Variants in UTP20 observed in about 807,000 individuals in gnomAD.
UTP20 encodes small subunit processome component 20 homolog.
Under a neutral mutation model 329.5 loss-of-function variants are expected in UTP20, and 164 were observed. The ratio of observed to expected loss-of-function variants is 0.50; its 90% CI spans 0.44 to 0.57. The LOEUF (loss-of-function observed/expected upper bound fraction) is 0.57. Among genes scored for constraint, UTP20 ranks in the 20% least tolerant of loss-of-function variants. The pLI is 0.00. For missense variants in UTP20, 3,055 were observed against 3,284.2 expected (o/e 0.93, Z 1.71); for synonymous variants, 1,151 against 1,159.3 (o/e 0.99, Z 0.14).
chr12:101,330,057 A>G (rs1015119971), intron 27 of UTP20, among the ~76,000 whole-genome samples: 7 of 152,050 alleles, frequency 4.6e-5, no homozygotes, highest in Admixed American at 3.3e-4. Flanking sequence ...AAAACACTCC[A>G]TATATTAGAG....
chr12:101,308,454 A>T (rs1393888869), intron 18 of UTP20, 111 bp downstream of exon 18: 5 of 646,814 alleles, frequency 7.7e-6, no homozygotes, highest in Non-Finnish European at 9.8e-6. Context: ...ATAATAATTT[A>T]AAAATAATAA....
intron 40 of UTP20, among the ~76,000 whole-genome samples, chr12:101,353,876 T>C (rs892391418): frequency 2.0e-5 from 3 of 152,192 alleles, no homozygotes; most frequent in Non-Finnish European, 4.4e-5. Flanking sequence ...TTGGCTGAGA[T>C]GTACAAATTC....
chr12:101,374,230 G>T (rs1228666245), intron 54 of UTP20, among the ~76,000 whole-genome samples: 1 of 148,028 alleles, frequency 6.8e-6, no homozygotes, highest in Admixed American at 6.7e-5. Context: ...GCGAGACTCC[G>T]TCTCAAAAAA....
At chr12:101,319,703 G>A in intron 23 of UTP20, 68 bp downstream of exon 23, 3 of 1,350,548 alleles carry the variant, frequency 2.2e-6, no homozygotes, top group Non-Finnish European at 2.0e-6. Flanking sequence ...CTTTGTCAGA[G>A]TAGCTTAGAT....
At chr12:101,303,665 C>T (rs1428948351) in intron 15 of UTP20, among the ~76,000 whole-genome samples, 1 of 152,134 alleles carries the variant, frequency 6.6e-6, no homozygotes, top group East Asian at 1.9e-4. Flanking sequence ...GGCAGTAGAC[C>T]TCCTTAGGTC....
intron 11 of UTP20, among the ~76,000 whole-genome samples, chr12:101,294,435 A>G (rs141853603): frequency 4.5e-4 from 68 of 152,230 alleles, no homozygotes; most frequent in Admixed American, 2.4e-3. Context: ...CATGCTCCCA[A>G]TAGAATTATA....
At chr12:101,310,577 C>CAAAAAAAAAAA (rs549641642) in intron 19 of UTP20, among the ~76,000 whole-genome samples, 518 of 44,166 alleles carry the variant, frequency 0.012, 42 homozygotes, top group East Asian at 0.05. Flanking sequence ...CTCTGTCTCC[C>CAAAAAAAAAAA]AAAAAAAAAA....
intron 5 of UTP20, among the ~76,000 whole-genome samples, chr12:101,287,669 T>C (rs1301424868): frequency 6.6e-6 from 1 of 152,258 alleles, no homozygotes; most frequent in Non-Finnish European, 1.5e-5. Context: ...TCTTCCTGTC[T>C]CTGAGTTTTG....
intron 54 of UTP20, 76 bp from the exon 55 acceptor site, chr12:101,374,732 G>A: frequency 1.3e-6 from 1 of 753,002 alleles, no homozygotes; most frequent in South Asian, 1.9e-5. Flanking sequence ...ACAAAATAAT[G>A]CCCACCTTTA....
chr12:101,383,180 C>G lies in UTP20; in HGVS notation c.7796C>G (p.Ala2599Gly). The G allele has an allele frequency of 6.2e-7, 1 of 1,613,886 alleles. No individual in the cohort carries two copies. Among genetic ancestry groups the G allele is most frequent in the South Asian group, 1.1e-5 (1 of 91,070 alleles). The change falls in exon 59 of 62, where the codon GCG (alanine) becomes GGG (glycine). Residue 2599 changes from alanine (A) to glycine (G), a missense_variant. Ala to Gly is a moderately conservative substitution (Grantham distance 60). Coordinates refer to ENST00000261637, the MANE Select transcript of UTP20 (RefSeq NM_014503.3). ...GGTGTGGCCTGTGCAGATGAGAAGGCGGAGTCTGACGGAGAAGAGAAGGAA... is the reference window on the plus strand; with the variant it reads ...GGTGTGGCCTGTGCAGATGAGAAGGGGGAGTCTGACGGAGAAGAGAAGGAA... ...EDGVACADEK[A>G]ESDGEEKEEV...
rs80281304 is a variant in UTP20, at chr12:101,306,797, A to T, written c.1995+36A>T. 13,477 of 1,550,682 alleles carry T rather than the reference A, an allele frequency of 8.7e-3. 1,032 individuals are homozygous for T. In the African/African-American group the frequency reaches 0.17, roughly 19 times the overall value. On this transcript the variant is annotated intron_variant, in intron 17 of 61. Transcript: ENST00000261637. ...TGTTTGAGTGGATAGGTTTTAAAAA[A>T]ATATAGTTTTACATATTATTGTGGT...
intron 57 of UTP20, 116 bp downstream of exon 57, chr12:101,379,674 G>T: frequency 8.8e-7 from 1 of 1,137,174 alleles, no homozygotes. Context: ...ACAATTTGTT[G>T]TACAGGTGAA....
intron 33 of UTP20, 65 bp from the exon 34 acceptor site, chr12:101,342,722 G>A (rs374704630): frequency 7.2e-5 from 112 of 1,554,480 alleles, no homozygotes; most frequent in African/African-American, 8.2e-5. Flanking sequence ...AGGTAGCTGA[G>A]GGGAGGAGGG....
chr12:101,293,139 T>TA (rs777950813), intron 10 of UTP20, 29 bp from the exon 11 acceptor site: 2 of 1,602,516 alleles, frequency 1.2e-6, no homozygotes, highest in Admixed American at 1.7e-5. Flanking sequence ...TCTGTGTACT[T>TA]ACATTAATAT....
chr12:101,295,458 A>ATTTTTTTTTTT, intron 11 of UTP20, 22 bp from the exon 12 acceptor site: 1 of 1,454,614 alleles, frequency 6.9e-7, no homozygotes, highest in Non-Finnish European at 9.3e-7. Context: ...AATAAGTGTG[A>ATTTTTTTTTTT]TTTTTTTTTT....
intron 26 of UTP20, among the ~76,000 whole-genome samples, chr12:101,327,639 T>C (rs984748831): frequency 6.6e-6 from 1 of 152,224 alleles, no homozygotes; most frequent in Non-Finnish European, 1.5e-5. Context: ...ATCTATTCGG[T>C]AATGATTTAT....
chr12:101,329,131 C>A (rs1171940493), intron 26 of UTP20, 110 bp from the exon 27 acceptor site: 2 of 920,316 alleles, frequency 2.2e-6, no homozygotes, highest in East Asian at 5.1e-5. Flanking sequence ...ATTACCATGA[C>A]AGTAGAAAAT....
intron 29 of UTP20, among the ~76,000 whole-genome samples, chr12:101,336,132 G>A (rs1039356131): frequency 6.6e-6 from 1 of 152,168 alleles, no homozygotes; most frequent in African/African-American, 2.4e-5. Flanking sequence ...TTAGGCAGCA[G>A]AACCTTTTTT....
At chr12:101,284,764 C>T (rs1871906705) in intron 2 of UTP20, among the ~76,000 whole-genome samples, 1 of 152,092 alleles carries the variant, frequency 6.6e-6, no homozygotes, top group African/African-American at 2.4e-5. Flanking sequence ...TTATCTCACT[C>T]CTCCCACCCC....
Sources: gnomAD v4.1 joint callset for allele counts (sites outside exome capture counted in the v4.1 genomes callset) on GRCh38, gnomAD v4.1.1 for gene constraint, MANE v1.5 for transcripts, NCBI Gene and HGNC (gene_info 2026-07-23, HGNC 2026-07-21) for gene names.